APC: variants seen among roughly 807,000 people sequenced by gnomAD.
APC encodes the protein adenomatous polyposis coli protein.
A neutral mutation model predicts 247.0 loss-of-function variants in APC; 72 were observed. The ratio of observed to expected loss-of-function variants is 0.29; its 90% CI spans 0.24 to 0.35. The LOEUF is 0.35. Ranked by LOEUF, APC falls within the 10% of genes least tolerant of loss-of-function variation. The pLI, the probability that APC is intolerant of heterozygous loss-of-function variation, is 1.00. For missense variants in APC, 3,400 were observed against 3,360.7 expected, an observed-to-expected ratio of 1.01 and a Z score of -0.29; for synonymous variants, 1,254 against 1,162.5, an observed-to-expected ratio of 1.08 and a Z score of -1.60.
In APC at chr5:112,827,008, T is replaced by C. The variant is rs1247236072; in HGVS notation, c.1409-100T>C. 41 of 1,176,178 alleles carry C rather than the reference T, an allele frequency of 3.5e-5. No individual in the cohort carries two copies. In the Middle Eastern group the frequency reaches 9.9e-4, roughly 28 times the overall value. 72.9% of individuals were successfully genotyped at this position (1,176,178 alleles called of 1,614,324 possible). ...GGCAAATTTAAACCATATATTCTCA[T>C]TGATTGAGTTTTTTTTTCCTAGTAT... is the stretch of plus-strand genomic sequence containing the variant. On this transcript the variant is annotated intron_variant, in intron 11 of 15. Transcript: ENST00000257430.
intron 2 of APC, among the ~76,000 whole-genome samples, chr5:112,765,256 C>T (rs1756151515): frequency 1.3e-5 from 2 of 152,074 alleles, no homozygotes; most frequent in Non-Finnish European, 2.9e-5. Context: ...AGGCACATGC[C>T]ACCACTCATG....
At chr5:112,728,325 T>C (rs1179957018) in intron 1 of APC, among the ~76,000 whole-genome samples, 1 of 151,860 alleles carries the variant, frequency 6.6e-6, no homozygotes, top group Non-Finnish European at 1.5e-5. Context: ...AGAGACGGGG[T>C]TTCACCATGT....
At chr5:112,719,516 C>G (rs986881818) in intron 1 of APC, among the ~76,000 whole-genome samples, 1 of 151,512 alleles carries the variant, frequency 6.6e-6, no homozygotes, top group Admixed American at 6.6e-5. Context: ...AGCCACTGCA[C>G]CCAGCCTCAT....
intron 1 of APC, among the ~76,000 whole-genome samples, chr5:112,744,418 T>A (rs755861833): frequency 3.9e-5 from 6 of 152,170 alleles, no homozygotes; most frequent in Non-Finnish European, 7.3e-5. Context: ...ATTTTGGGAA[T>A]TACAAAAGCT....
intron 8 of APC, among the ~76,000 whole-genome samples, chr5:112,808,529 C>T: frequency 6.6e-6 from 1 of 152,086 alleles, no homozygotes; most frequent in Non-Finnish European, 1.5e-5. Context: ...CTCACTGCAG[C>T]CTTGAACTCC....
At chr5:112,738,337 C>G (rs756766812) in intron 1 of APC, 84 of 985,406 alleles carry the variant, frequency 8.5e-5, no homozygotes, top group Non-Finnish European at 1.0e-4. Context: ...GGCTTCTTTT[C>G]CTCCCTGGCG....
At chr5:112,762,531 T>G (rs1288146222) in intron 2 of APC, among the ~76,000 whole-genome samples, 3 of 152,140 alleles carry the variant, frequency 2.0e-5, no homozygotes, top group African/African-American at 7.2e-5. Flanking sequence ...AATGAACTGA[T>G]AAGGCAACAG....
chr5:112,755,343 T>C (rs1379519436), intron 2 of APC, among the ~76,000 whole-genome samples: 2 of 152,162 alleles, frequency 1.3e-5, no homozygotes, highest in Non-Finnish European at 2.9e-5. Context: ...GAAACTAGCC[T>C]CATGATTTTA....
In APC at chr5:112,838,078, T is replaced by C. The variant is rs1765192603; in HGVS notation, c.2484T>C (p.Thr828=). 1 of 1,614,224 alleles carries C rather than the reference T, an allele frequency of 6.2e-7. No homozygotes were observed. The stretch of plus-strand genomic sequence containing the variant: ...CTGTCCTTTCACCATATTTGAATAC[T>C]ACAGTGTTACCCAGCTCCTCTTCAT... ...NMTVLSPYLN[T]TVLPSSSSSR... is the part of the protein sequence containing the mutation. Residue 828 remains threonine, a synonymous_variant, in exon 16 of 16, where the codon ACT becomes ACC. Coordinates refer to ENST00000257430, the MANE Select transcript of APC (RefSeq NM_000038.6).
At chr5:112,784,171 G>A (rs776014534) in intron 6 of APC, among the ~76,000 whole-genome samples, 10 of 152,102 alleles carry the variant, frequency 6.6e-5, no homozygotes, top group Non-Finnish European at 1.0e-4. Flanking sequence ...GGCTTCAAGC[G>A]ATTCTCATGC....
chr5:112,720,252 G>A (rs897156994), intron 1 of APC, among the ~76,000 whole-genome samples: 2 of 152,146 alleles, frequency 1.3e-5, no homozygotes, highest in African/African-American at 2.4e-5. Context: ...AACAAAACCA[G>A]CTCTGTTGTA....
At chr5:112,804,930 A>G (rs1304687534) in intron 8 of APC, among the ~76,000 whole-genome samples, 1 of 152,124 alleles carries the variant, frequency 6.6e-6, no homozygotes, top group Admixed American at 6.6e-5. Flanking sequence ...GCAGTGGGCT[A>G]TGATCATGCC....
Position 112,838,391 on chromosome 5 carries a change from A to G in APC, c.2797A>G (p.Asn933Asp), listed in dbSNP as rs1060503270. 1 of 1,614,214 alleles carries G rather than the reference A, an allele frequency of 6.2e-7. No homozygotes were observed. Among genetic ancestry groups the G allele is most frequent in the African/African-American group, 1.3e-5 (1 of 75,066 alleles). The change falls in exon 16 of 16, where the codon AAC (asparagine) becomes GAC (aspartate). Residue 933 changes from asparagine (N) to aspartate (D), a missense_variant. By Grantham distance (23) the Asn-to-Asp change is conservative. Transcript: ENST00000257430. The stretch of plus-strand genomic sequence containing the variant: ...AAGCTCTGCTGCCCATACACATTCA[A>G]ACACTTACAATTTCACTAAGTCGGA... ...RRSSAAHTHS[N>D]TYNFTKSENS...
intron 7 of APC, among the ~76,000 whole-genome samples, chr5:112,798,128 C>A (rs957376911): frequency 1.3e-5 from 2 of 152,180 alleles, no homozygotes; most frequent in African/African-American, 4.8e-5. Context: ...CTTGTATGTT[C>A]ATTCACTAGC....
chr5:112,811,473 CT>C (rs1398333800), intron 8 of APC, among the ~76,000 whole-genome samples: 1 of 152,310 alleles, frequency 6.6e-6, no homozygotes, highest in East Asian at 1.9e-4. Context: ...AAGAAAGACT[CT>C]CATGGACCAA....
chr5:112,743,193 C>G (rs1480910007), intron 1 of APC, among the ~76,000 whole-genome samples: 2 of 152,224 alleles, frequency 1.3e-5, no homozygotes, highest in African/African-American at 4.8e-5. Context: ...CCCTCTGCTG[C>G]TCTTGTCACA....
intron 12 of APC, 66 bp from the exon 13 acceptor site, chr5:112,827,863 G>T: frequency 7.5e-7 from 1 of 1,335,338 alleles, no homozygotes; most frequent in Non-Finnish European, 1.1e-6. Context: ...ACATTTAGTA[G>T]CCAAAAATAA....
At chr5:112,720,739 C>T (rs975373131) in intron 1 of APC, among the ~76,000 whole-genome samples, 1 of 152,164 alleles carries the variant, frequency 6.6e-6, no homozygotes, top group African/African-American at 2.4e-5. Context: ...CATAGTAGCC[C>T]TGCTAGGCAG....
In APC at chr5:112,810,143, G is replaced by A. The variant is rs533936889; in HGVS notation, c.835-5352G>A. On this transcript the variant is annotated intron_variant, in intron 8 of 15. Transcript: ENST00000257430. ...TTTTTAAGATAGAAAAGATGAGGAT[G>A]TTTGAATGCTGATGGGAAGGAGCCA... 1.6e-4 allele frequency: 71 copies of A among 456,128 alleles called. 1 individual carries two copies. Among genetic ancestry groups the A allele is most frequent in the South Asian group, 1.1e-3 (71 of 64,552 alleles). 28.3% of individuals were successfully genotyped at this position (456,128 alleles called of 1,614,324 possible). A position where few individuals can be genotyped will look rare whatever the true frequency, so the allele number is the denominator to read the frequency against.
Sources: gnomAD v4.1 joint callset for allele counts (sites outside exome capture counted in the v4.1 genomes callset) on GRCh38, gnomAD v4.1.1 for gene constraint, MANE v1.5 for transcripts, NCBI Gene and HGNC (gene_info 2026-07-23, HGNC 2026-07-21) for gene names.